FANK1: variants seen among roughly 807,000 people sequenced by gnomAD.
FANK1 encodes fibronectin type 3 and ankyrin repeat domains protein 1.
FANK1 carries 44 observed loss-of-function variants against 45.3 expected under a neutral mutation model. That is an observed-to-expected ratio of 0.97 (90% CI 0.76 to 1.25). FANK1 has a LOEUF of 1.25. Ranked by LOEUF, FANK1 falls within the 50% of genes most tolerant of loss-of-function variation. The probability of loss-of-function intolerance (pLI) is 0.00; values close to 1 mark genes in which losing one functional copy is unlikely to be tolerated. For synonymous variants in FANK1, 149 were observed against 152.5 expected, an observed-to-expected ratio of 0.98 and a Z score of 0.17; for missense variants, 391 against 424.4, an observed-to-expected ratio of 0.92 and a Z score of 0.69.
intron 1 of FANK1, chr10:125,960,372 C>T (rs113987407): frequency 0.014 from 2,752 of 201,294 alleles, 84 homozygotes; most frequent in African/African-American, 0.061. Flanking sequence ...CTCCACCAGG[C>T]GCTGCAGGGC....
At chr10:125,915,526 C>G (rs569808218) in intron 1 of FANK1, among the ~76,000 whole-genome samples, 103 of 152,256 alleles carry the variant, frequency 6.8e-4, no homozygotes, top group South Asian at 2.5e-3. Context: ...GACTAGAAAA[C>G]CTTAAAGGGG....
chr10:125,972,686 G>A (rs1950592297), intron 1 of FANK1: 1 of 152,158 alleles, frequency 6.6e-6, no homozygotes, highest in Non-Finnish European at 1.5e-5. Context: ...GATGAGTTTT[G>A]TATGAAAGTA....
intron 1 of FANK1, among the ~76,000 whole-genome samples, chr10:125,900,441 T>G (rs1035905665): frequency 6.6e-6 from 1 of 152,100 alleles, no homozygotes; most frequent in African/African-American, 2.4e-5. Context: ...AAGGGGTGGC[T>G]TTGGGGATCT....
At chr10:125,941,612 G>A (rs1948457848) in intron 1 of FANK1, among the ~76,000 whole-genome samples, 1 of 152,204 alleles carries the variant, frequency 6.6e-6, no homozygotes, top group Non-Finnish European at 1.5e-5. Context: ...ATAGCTGTAT[G>A]GTCTGCAGTA....
rs1308800895 is a variant in FANK1, at chr10:125,974,299, G to A, written c.14-5862G>A. 8.5e-5 allele frequency among the ~76,000 whole-genome samples: 13 copies of A among 152,320 alleles called. No individual in the cohort carries two copies. In the East Asian group the frequency reaches 1.5e-3, roughly 18 times the overall value. On this transcript the variant is annotated intron_variant, in intron 1 of 10. Coordinates refer to ENST00000368693, the MANE Select transcript of FANK1 (RefSeq NM_145235.5). Reference sequence around the variant, plus strand: ...GCAAGACCAGGGCAGCCCTGTCTTCGTCAGTGGGTCTGCACTGCAGGAAGA... The same window carrying A: ...GCAAGACCAGGGCAGCCCTGTCTTCATCAGTGGGTCTGCACTGCAGGAAGA...
chr10:125,961,828 C>T (rs1003062049), intron 1 of FANK1, among the ~76,000 whole-genome samples: 1 of 152,152 alleles, frequency 6.6e-6, no homozygotes, highest in African/African-American at 2.4e-5. Context: ...CCTGTAGTCC[C>T]AGCTACTCAG....
At chr10:126,006,179 A>G (rs552778721) in intron 7 of FANK1, among the ~76,000 whole-genome samples, 32 of 152,312 alleles carry the variant, frequency 2.1e-4, no homozygotes, top group African/African-American at 5.8e-4. Context: ...AAATCAACTC[A>G]AATTGAGAAA....
chr10:126,009,396 A>G lies in FANK1; in HGVS notation c.996A>G (p.Glu332=). The G allele has an allele frequency of 1.2e-6, 2 of 1,614,032 alleles. No homozygotes were observed. The highest frequency in any genetic ancestry group is 1.1e-5 in the South Asian group (1 of 91,062). Residue 332 remains glutamate, a synonymous_variant, in exon 11 of 11, where the codon GAA becomes GAG. Transcript: ENST00000368693. The stretch of plus-strand genomic sequence containing the variant: ...AGAGTGTAGTCTCCTTATTAGAAGA[A>G]AGGAAAAAAAAGCAGAGGCCAAAGA... The part of the protein sequence containing the change: ...DRQSVVSLLE[E]RKKKQRPKKS...
intron 1 of FANK1, among the ~76,000 whole-genome samples, chr10:125,915,193 G>A (rs1309022670): frequency 1.3e-5 from 2 of 152,246 alleles, no homozygotes; most frequent in South Asian, 2.1e-4. Context: ...GAAGCATGGC[G>A]TTAACTCACC....
intron 1 of FANK1, among the ~76,000 whole-genome samples, chr10:125,931,632 G>A (rs908310269): frequency 6.6e-6 from 1 of 152,170 alleles, no homozygotes; most frequent in Non-Finnish European, 1.5e-5. Context: ...TGTATAGATT[G>A]TGAAGATTTT....
intron 1 of FANK1, among the ~76,000 whole-genome samples, chr10:125,950,166 G>C (rs935891362): frequency 2.7e-5 from 4 of 150,108 alleles, no homozygotes; most frequent in African/African-American, 7.3e-5. Flanking sequence ...AAAAACCCTA[G>C]AAGAAAACCT....
chr10:125,930,232 G>A (rs1226815043), intron 1 of FANK1, among the ~76,000 whole-genome samples: 1 of 151,774 alleles, frequency 6.6e-6, no homozygotes, highest in Non-Finnish European at 1.5e-5. Flanking sequence ...TAATAGAGAT[G>A]GGGTTTCACC....
At chr10:125,948,527 T>A (rs1948971107) in intron 1 of FANK1, among the ~76,000 whole-genome samples, 1 of 152,180 alleles carries the variant, frequency 6.6e-6, no homozygotes, top group African/African-American at 2.4e-5. Context: ...AATGGATAAA[T>A]TCCTCAACAC....
chr10:125,936,915 A>C (rs1948136501), intron 1 of FANK1, among the ~76,000 whole-genome samples: 1 of 151,964 alleles, frequency 6.6e-6, no homozygotes, highest in African/African-American at 2.4e-5. Context: ...TAAAAATACA[A>C]AATTAGCCAG....
chr10:125,992,959 T>C (rs189473080), intron 3 of FANK1, among the ~76,000 whole-genome samples: 7 of 152,336 alleles, frequency 4.6e-5, no homozygotes, highest in Admixed American at 1.3e-4. Flanking sequence ...AACTGGTCGA[T>C]ACTGCAGTGT....
rs947049617 is a variant in FANK1 at position 125,960,762 on chromosome 10, C to T, written c.14-19399C>T. Among the ~76,000 whole-genome samples, 4 of 152,340 alleles carry T rather than the reference C, an allele frequency of 2.6e-5. No homozygotes were observed. The South Asian group carries it at 6.2e-4, about 24-fold the overall frequency. On this transcript the variant is annotated intron_variant, in intron 1 of 10. Transcript: ENST00000368693. ...GTGTTAGCCAGGATGGTCTCGATCT[C>T]CTGACCTTGTTATCTGCCCGCCTCG...
intron 1 of FANK1, among the ~76,000 whole-genome samples, chr10:125,907,100 A>G (rs1033287393): frequency 1.3e-5 from 2 of 152,254 alleles, no homozygotes; most frequent in African/African-American, 4.8e-5. Context: ...AGGTGATCAA[A>G]TGGTAAGTGA....
chr10:125,972,392 T>C (rs1012131349), intron 1 of FANK1: 1 of 152,206 alleles, frequency 6.6e-6, no homozygotes, highest in Non-Finnish European at 1.5e-5. Context: ...AAAATATGTA[T>C]ATTAGCAGAT....
intron 1 of FANK1, among the ~76,000 whole-genome samples, chr10:125,898,750 A>G (rs1283544816): frequency 1.3e-5 from 2 of 152,222 alleles, no homozygotes; most frequent in Admixed American, 6.5e-5. Context: ...CTATACATTT[A>G]TATCTCATGT....
Sources: gnomAD v4.1 joint callset for allele counts (sites outside exome capture counted in the v4.1 genomes callset) on GRCh38, gnomAD v4.1.1 for gene constraint, MANE v1.5 for transcripts, NCBI Gene and HGNC (gene_info 2026-07-23, HGNC 2026-07-21) for gene names.